The following THOC1 variants were observed in gnomAD, a reference collection of about 807,000 sequenced individuals.
THOC1 encodes THO complex subunit 1.
In THOC1, 29 loss-of-function variants were observed where a neutral mutation model predicts 97.3. That is an observed-to-expected ratio of 0.30 (90% CI 0.22 to 0.41). THOC1 has a LOEUF of 0.41. Ranked by LOEUF, THOC1 falls within the 10% of genes least tolerant of loss-of-function variation. The probability of loss-of-function intolerance (pLI) is 1.00; values close to 1 mark genes in which losing one functional copy is unlikely to be tolerated. For missense variants in THOC1, 529 were observed against 761.9 expected (o/e 0.69, Z 3.60); for synonymous variants, 255 against 257.0 (o/e 0.99, Z 0.07).
At chr18:259,342 A>T (rs1026690261) in intron 6 of THOC1, 67 bp from the exon 7 acceptor site, 5 of 1,328,704 alleles carry the variant, frequency 3.8e-6, no homozygotes, top group African/African-American at 3.0e-5. Context: ...ACCACACCTA[A>T]AAGTTTCTAA....
chr18:250,509 T>C (rs1488254558), intron 9 of THOC1, among the ~76,000 whole-genome samples: 1 of 152,234 alleles, frequency 6.6e-6, no homozygotes, highest in Non-Finnish European at 1.5e-5. Flanking sequence ...AAAAAAACTC[T>C]GGAAAACTTG....
chr18:265,425 G>A (rs138430786), intron 2 of THOC1, 32 bp downstream of exon 2: 2 of 1,585,342 alleles, frequency 1.3e-6, no homozygotes, highest in East Asian at 2.2e-5. Flanking sequence ...AAAGATTGAG[G>A]CAAGTATTTT....
chr18:230,807 C>T (rs1911459397), intron 11 of THOC1, among the ~76,000 whole-genome samples: 1 of 152,228 alleles, frequency 6.6e-6, no homozygotes, highest in African/African-American at 2.4e-5. Context: ...ACCATCATAG[C>T]TCACTGCAGC....
Position 214,579 on chromosome 18 carries a change from G to A in THOC1, c.*47C>T. 2.0e-6 allele frequency: 3 copies of A among 1,488,130 alleles called. No individual in the cohort carries two copies. The highest frequency in any genetic ancestry group is 1.8e-6 in the Non-Finnish European group (2 of 1,092,196). The allele number at this position is 1,488,130 out of a possible 1,614,324, so 92.2% of individuals were successfully genotyped here. A position where few individuals can be genotyped will look rare whatever the true frequency, so the allele number is the denominator to read the frequency against. On this transcript the variant is annotated 3_prime_UTR_variant, in exon 21 of 21. Transcript: ENST00000261600. Reference sequence around the variant, plus strand: ...GTGGACCTCTTATCAAATGCTGCTTGGTAACAAAATCTATCACAGTTTTAA... The same window carrying A: ...GTGGACCTCTTATCAAATGCTGCTTAGTAACAAAATCTATCACAGTTTTAA...
intron 11 of THOC1, among the ~76,000 whole-genome samples, chr18:237,149 T>C (rs1324110538): frequency 6.9e-6 from 1 of 145,466 alleles, no homozygotes; most frequent in Non-Finnish European, 1.5e-5. Context: ...AAATCTCTCA[T>C]GTACTGGATT....
At chr18:257,894 G>A (rs1161149263) in intron 7 of THOC1, among the ~76,000 whole-genome samples, 1 of 152,064 alleles carries the variant, frequency 6.6e-6, no homozygotes, top group East Asian at 1.9e-4. Flanking sequence ...AGGTATAATG[G>A]ATGTTTAATT....
chr18:217,293 C>T (rs1206337546), intron 18 of THOC1, among the ~76,000 whole-genome samples: 1 of 152,208 alleles, frequency 6.6e-6, no homozygotes, highest in African/African-American at 2.4e-5. Context: ...GGACTCTTCC[C>T]AAGTTAACAC....
intron 11 of THOC1, among the ~76,000 whole-genome samples, chr18:233,543 G>A (rs1046440366): frequency 4.6e-5 from 7 of 152,206 alleles, no homozygotes; most frequent in Admixed American, 2.0e-4. Flanking sequence ...CCAAGATCGC[G>A]CCACTGCACT....
rs903760590 is a variant in THOC1 at position 220,688 on chromosome 18, T to C, written c.1371-1719A>G. 2.0e-5 allele frequency among the ~76,000 whole-genome samples: 3 copies of C among 152,222 alleles called. No individual in the cohort carries two copies. The East Asian group carries it at 5.8e-4, about 29-fold the overall frequency. On this transcript the variant is annotated intron_variant, in intron 17 of 20. Transcript: ENST00000261600. ...CTCAGAGGTTTATTAAGGTTTCTAC[T>C]TCTGAATCTGACTATTCATTTGTAC...
At chr18:250,523 TA>T (rs571744777) in intron 9 of THOC1, among the ~76,000 whole-genome samples, 5 of 152,374 alleles carry the variant, frequency 3.3e-5, no homozygotes, top group South Asian at 2.1e-4. Flanking sequence ...AAACTTGATA[TA>T]TTTTTTTAAA....
At chr18:248,198 C>A (rs984580672) in intron 9 of THOC1, among the ~76,000 whole-genome samples, 1 of 152,168 alleles carries the variant, frequency 6.6e-6, no homozygotes, top group Admixed American at 6.5e-5. Context: ...CATGGTTATT[C>A]AGAATTAAAG....
chr18:241,796 T>C (rs1911910989), intron 11 of THOC1, among the ~76,000 whole-genome samples: 1 of 152,220 alleles, frequency 6.6e-6, no homozygotes, highest in African/African-American at 2.4e-5. Flanking sequence ...GAGGAATCCC[T>C]ACAATACCAG....
intron 3 of THOC1, 146 bp from the exon 4 acceptor site, chr18:264,238 T>A: frequency 1.6e-6 from 1 of 608,080 alleles, no homozygotes; most frequent in Non-Finnish European, 2.8e-6. Flanking sequence ...TTTTCTAATA[T>A]GAAGTTACCA....
intron 11 of THOC1, among the ~76,000 whole-genome samples, chr18:239,406 G>A (rs1161674017): frequency 1.3e-5 from 2 of 152,066 alleles, no homozygotes; most frequent in Non-Finnish European, 2.9e-5. Flanking sequence ...CTAGGTTTAC[G>A]CAATTCTCCT....
At chr18:252,437 T>A in intron 9 of THOC1, 102 bp downstream of exon 9, 1 of 883,220 alleles carries the variant, frequency 1.1e-6, no homozygotes, top group Non-Finnish European at 1.8e-6. Context: ...AAATTTCTTA[T>A]AATTTCTTTC....
Position 260,229 on chromosome 18 carries a change from G to A in THOC1, c.332C>T (p.Thr111Ile). The A allele has an allele frequency of 1.9e-6, 3 of 1,592,908 alleles. No homozygotes were observed. The highest frequency in any genetic ancestry group is 2.6e-6 in the Non-Finnish European group (3 of 1,170,406). Reference protein sequence around the residue: ...LDCLPLDQCDTIFTFVEKNVA... With the variant: ...LDCLPLDQCDIIFTFVEKNVA... ...ATTTTTTTCCACAAAAGTGAATATT[G>A]TGTCACACTGATCCAAAGGAAGACA... The change falls in exon 5 of 21, where the codon ACA becomes ATA. Residue 111 changes from threonine (T) to isoleucine (I), a missense_variant. By Grantham distance (89) the Thr-to-Ile change is moderately conservative. This residue lies in a region of THOC1 where 49 missense variants were observed against 91.7 expected (regional missense o/e 0.53). Coordinates refer to ENST00000261600, the MANE Select transcript of THOC1 (RefSeq NM_005131.3).
intron 11 of THOC1, among the ~76,000 whole-genome samples, chr18:233,038 C>T (rs1598294598): frequency 6.6e-6 from 1 of 152,142 alleles, no homozygotes; most frequent in East Asian, 1.9e-4. Flanking sequence ...CTATTCAAGA[C>T]TTTTACATCT....
At chr18:255,009 G>A (rs531895299) in intron 7 of THOC1, among the ~76,000 whole-genome samples, 2 of 151,974 alleles carry the variant, frequency 1.3e-5, no homozygotes, top group South Asian at 2.1e-4. Context: ...AGTAGAGACG[G>A]GCTTTTGCCA....
chr18:257,732 G>A (rs1912480169), intron 7 of THOC1, among the ~76,000 whole-genome samples: 1 of 151,754 alleles, frequency 6.6e-6, no homozygotes, highest in African/African-American at 2.4e-5. Flanking sequence ...TTAAGGTATT[G>A]GCATTACCAG....
Sources: gnomAD v4.1 joint callset for allele counts (sites outside exome capture counted in the v4.1 genomes callset) on GRCh38, gnomAD v4.1.1 for gene constraint, gnomAD v4.1.1 regional missense constraint, MANE v1.5 for transcripts, NCBI Gene and HGNC (gene_info 2026-07-23, HGNC 2026-07-21) for gene names.